ABCD3: variants seen among roughly 807,000 people sequenced by gnomAD.
ABCD3 encodes the protein ATP binding cassette subfamily D member 3.
ABCD3 carries 41 observed loss-of-function variants against 105.5 expected under a neutral mutation model. That is an observed-to-expected ratio of 0.39 (90% CI 0.30 to 0.50). ABCD3 has a LOEUF of 0.50. Among genes scored for constraint, ABCD3 ranks in the 20% least tolerant of loss-of-function variants. The pLI is 0.84. For synonymous variants in ABCD3, 258 were observed against 269.0 expected (o/e 0.96, Z 0.40); for missense variants, 622 against 806.3 (o/e 0.77, Z 2.77).
chr1:94,437,406 A>G (rs1013540660), intron 1 of ABCD3, among the ~76,000 whole-genome samples: 2 of 152,238 alleles, frequency 1.3e-5, no homozygotes, highest in African/African-American at 4.8e-5. Flanking sequence ...GAATTATGCT[A>G]AATTTACTCT....
intron 1 of ABCD3, chr1:94,455,811 G>A (rs757444246): frequency 7.8e-6 from 10 of 1,283,572 alleles, no homozygotes; most frequent in Admixed American, 6.9e-5. Context: ...ATTGGTAGGT[G>A]TGTGTGTACA....
At chr1:94,449,363 A>C (rs1005052666) in intron 1 of ABCD3, among the ~76,000 whole-genome samples, 28 of 152,222 alleles carry the variant, frequency 1.8e-4, no homozygotes, top group African/African-American at 6.3e-4. Flanking sequence ...CAGGACAACC[A>C]GTCACAATGA....
upstream of ABCD3, among the ~76,000 whole-genome samples, chr1:94,417,501 G>A (rs1414153887): frequency 1.3e-5 from 2 of 152,134 alleles, no homozygotes; most frequent in African/African-American, 4.8e-5. Flanking sequence ...TGCAACATAG[G>A]GTCAGACAGG....
chr1:94,514,719 A>G (rs1650847175), intron 21 of ABCD3: 1 of 165,546 alleles, frequency 6.0e-6, no homozygotes, highest in Admixed American at 5.8e-5. Context: ...CTGAATTCCA[A>G]GACACATTCC....
chr1:94,510,310 T>G (rs1004194068), intron 21 of ABCD3, among the ~76,000 whole-genome samples: 1 of 152,202 alleles, frequency 6.6e-6, no homozygotes, highest in African/African-American at 2.4e-5. Context: ...TTGAGTGAGT[T>G]TCTTAATCCT....
the ABCD3 span, among the ~76,000 whole-genome samples, chr1:94,390,136 T>C: frequency 6.6e-6 from 1 of 152,198 alleles, no homozygotes; most frequent in Non-Finnish European, 1.5e-5. Flanking sequence ...TGTTCTCTTC[T>C]AGAAGACACC....
At chr1:94,423,477 T>TC (rs1269123030) in intron 1 of ABCD3, among the ~76,000 whole-genome samples, 3 of 152,220 alleles carry the variant, frequency 2.0e-5, no homozygotes, top group Non-Finnish European at 4.4e-5. Context: ...ACATCTTACT[T>TC]CGCTTCCTTT....
At chr1:94,444,247 G>C (rs554629240) in intron 1 of ABCD3, among the ~76,000 whole-genome samples, 1 of 149,794 alleles carries the variant, frequency 6.7e-6, no homozygotes, top group East Asian at 2.0e-4. Context: ...CAGGAGAATT[G>C]CTTGAACCTG....
At chr1:94,491,448 C>CA (rs569749205) in intron 16 of ABCD3, among the ~76,000 whole-genome samples, 1 of 151,794 alleles carries the variant, frequency 6.6e-6, no homozygotes, top group East Asian at 1.9e-4. Context: ...ATACTACTAC[C>CA]AAAAAACTTT....
At chr1:94,501,562 G>A (rs1650101498) in intron 20 of ABCD3, among the ~76,000 whole-genome samples, 1 of 152,146 alleles carries the variant, frequency 6.6e-6, no homozygotes, top group Non-Finnish European at 1.5e-5. Flanking sequence ...AAGTTGAGGG[G>A]AAAGTAGGTA....
At chr1:94,501,265 G>GAAAAA (rs4148065) in intron 20 of ABCD3, among the ~76,000 whole-genome samples, 1 of 61,932 alleles carries the variant, frequency 1.6e-5, no homozygotes, top group Non-Finnish European at 3.6e-5. Flanking sequence ...TGTCTCAAAA[G>GAAAAA]AAAAAAAAAA....
At chr1:94,402,822 C>T in the ABCD3 span, among the ~76,000 whole-genome samples, 1 of 151,262 alleles carries the variant, frequency 6.6e-6, no homozygotes, top group Admixed American at 6.6e-5. Context: ...TATTACTATA[C>T]TTTAAGTTTT....
chr1:94,516,484 A>G (rs2101076049), intron 22 of ABCD3, among the ~76,000 whole-genome samples: 1 of 152,064 alleles, frequency 6.6e-6, no homozygotes. Flanking sequence ...TAGGACATTG[A>G]GAGGAATTGA....
At chr1:94,390,060 G>A in the ABCD3 span, among the ~76,000 whole-genome samples, 1 of 152,108 alleles carries the variant, frequency 6.6e-6, no homozygotes, top group Non-Finnish European at 1.5e-5. Context: ...GGTCCTTACT[G>A]ATGGAAATTA....
At chr1:94,453,979 C>T (rs1427878137) in intron 1 of ABCD3, among the ~76,000 whole-genome samples, 1 of 148,770 alleles carries the variant, frequency 6.7e-6, no homozygotes, top group African/African-American at 2.5e-5. Flanking sequence ...AGGTTCTGAG[C>T]ATTGCTTTAG....
intron 13 of ABCD3, among the ~76,000 whole-genome samples, chr1:94,488,320 C>G (rs529645136): frequency 2.0e-4 from 31 of 152,098 alleles, no homozygotes; most frequent in African/African-American, 7.5e-4. Context: ...TTGTCCTCTA[C>G]CATACCTTTT....
chr1:94,438,301 T>TAC (rs58959540), intron 1 of ABCD3, among the ~76,000 whole-genome samples: 2,941 of 128,166 alleles, frequency 0.023, 60 homozygotes, highest in African/African-American at 0.057. Context: ...CACACACACA[T>TAC]ACACACACAC....
At chr1:94,465,524 C>T (rs4148051) in intron 3 of ABCD3, among the ~76,000 whole-genome samples, 39,215 of 152,030 alleles carry the variant, frequency 0.26, 5,683 homozygotes, top group Admixed American at 0.34. Context: ...AGGGTACTGC[C>T]ATACAGCTAC....
intron 16 of ABCD3, among the ~76,000 whole-genome samples, chr1:94,496,918 C>A (rs1020656819): frequency 6.6e-6 from 1 of 151,790 alleles, no homozygotes; most frequent in Non-Finnish European, 1.5e-5. Flanking sequence ...CAGGTGCCCG[C>A]CACTGCATCC....
Sources: allele counts gnomAD v4.1 joint callset (sites outside exome capture counted in the v4.1 genomes callset), GRCh38; gene constraint gnomAD v4.1.1; transcripts MANE v1.5; gene names NCBI Gene and HGNC (gene_info 2026-07-23, HGNC 2026-07-21).